MACROD2: variants seen among roughly 807,000 people sequenced by gnomAD.
MACROD2 encodes mono-ADP ribosylhydrolase 2.
MACROD2 carries 36 observed loss-of-function variants against 70.4 expected under a neutral mutation model. The ratio of observed to expected loss-of-function variants is 0.51; its 90% CI spans 0.39 to 0.68. The LOEUF (loss-of-function observed/expected upper bound fraction) is 0.68, where lower values mean the gene tolerates loss of function less well. Among genes scored for constraint, MACROD2 ranks in the 30% least tolerant of loss-of-function variants. The probability of loss-of-function intolerance (pLI) is 0.00; values close to 1 mark genes in which losing one functional copy is unlikely to be tolerated. For synonymous variants in MACROD2, 172 were observed against 178.8 expected (o/e 0.96, Z 0.30); for missense variants, 496 against 538.4 (o/e 0.92, Z 0.78).
At chr20:14,078,452 GC>G (rs995015880) in intron 2 of MACROD2, among the ~76,000 whole-genome samples, 1 of 151,770 alleles carries the variant, frequency 6.6e-6, no homozygotes, top group African/African-American at 2.4e-5. Flanking sequence ...TATCCCCCAG[GC>G]TGGAGTACAA....
chr20:15,141,541 C>G (rs766468836), intron 5 of MACROD2, among the ~76,000 whole-genome samples: 30 of 152,172 alleles, frequency 2.0e-4, no homozygotes, highest in Non-Finnish European at 3.7e-4. Flanking sequence ...AAGGGACTAC[C>G]TGCCTCTCTC....
At chr20:15,607,560 G>T (rs1385198019) in intron 8 of MACROD2, among the ~76,000 whole-genome samples, 1 of 152,120 alleles carries the variant, frequency 6.6e-6, no homozygotes, top group South Asian at 2.1e-4. Context: ...TTGAGACGAA[G>T]TCTCCTTCTG....
chr20:14,661,161 C>G (rs1036302248), intron 4 of MACROD2, among the ~76,000 whole-genome samples: 29 of 151,582 alleles, frequency 1.9e-4, no homozygotes. Flanking sequence ...AATTTGCACT[C>G]CAGCCACCAG....
intron 8 of MACROD2, among the ~76,000 whole-genome samples, chr20:15,739,334 A>AT (rs2051070256): frequency 6.6e-6 from 1 of 152,184 alleles, no homozygotes; most frequent in African/African-American, 2.4e-5. Context: ...CACATGAGAG[A>AT]TAGGGGTTCA....
intron 3 of MACROD2, among the ~76,000 whole-genome samples, chr20:14,435,312 C>G (rs2084044199): frequency 1.3e-5 from 2 of 152,094 alleles, no homozygotes; most frequent in South Asian, 4.1e-4. Context: ...TAGAACCCAC[C>G]CACATAATCC....
At chr20:15,250,374 C>T (rs1410108175) in intron 6 of MACROD2, among the ~76,000 whole-genome samples, 1 of 152,162 alleles carries the variant, frequency 6.6e-6, no homozygotes, top group Non-Finnish European at 1.5e-5. Flanking sequence ...CCACATTGTT[C>T]CACGATTTCC....
intron 4 of MACROD2, among the ~76,000 whole-genome samples, chr20:14,664,532 A>C (rs1384518249): frequency 6.6e-6 from 1 of 152,120 alleles, no homozygotes; most frequent in Non-Finnish European, 1.5e-5. Flanking sequence ...TCAACACGTT[A>C]GTTTTGGTGA....
intron 5 of MACROD2, among the ~76,000 whole-genome samples, chr20:14,800,048 G>A (rs2072555616): frequency 6.6e-6 from 1 of 150,656 alleles, no homozygotes. Context: ...GTTCAGACAA[G>A]TGTTCCATCA....
chr20:15,476,573 C>CG (rs2047024858), intron 7 of MACROD2, among the ~76,000 whole-genome samples: 1 of 76,612 alleles, frequency 1.3e-5, no homozygotes, highest in African/African-American at 1.1e-4. Flanking sequence ...TTGTTTTGCC[C>CG]CCCCCCGGTA....
At chr20:15,458,619 G>GTT (rs981912495) in intron 7 of MACROD2, among the ~76,000 whole-genome samples, 3 of 132,588 alleles carry the variant, frequency 2.3e-5, no homozygotes, top group African/African-American at 8.7e-5. Flanking sequence ...CTGTTTTTTT[G>GTT]TTTTTTTGTT....
chr20:14,933,791 T>C (rs2074316991), intron 5 of MACROD2: 2 of 152,086 alleles, frequency 1.3e-5, no homozygotes, highest in Non-Finnish European at 2.9e-5. Flanking sequence ...TATAGAAAAA[T>C]AACATAAGGC....
chr20:15,638,087 C>G (rs922681646), intron 8 of MACROD2, among the ~76,000 whole-genome samples: 15 of 152,032 alleles, frequency 9.9e-5, no homozygotes, highest in African/African-American at 2.9e-4. Context: ...TAACTGAGCT[C>G]CCTTGGAATG....
At chr20:14,717,594 G>A (rs1165025637) in intron 5 of MACROD2, among the ~76,000 whole-genome samples, 2 of 147,988 alleles carry the variant, frequency 1.4e-5, no homozygotes, top group Non-Finnish European at 3.0e-5. Flanking sequence ...TTCATTAACC[G>A]ACTTGTGACT....
intron 5 of MACROD2, among the ~76,000 whole-genome samples, chr20:15,040,966 A>G (rs2075351770): frequency 6.6e-6 from 1 of 152,186 alleles, no homozygotes; most frequent in Non-Finnish European, 1.5e-5. Context: ...AAGCAGATAA[A>G]ATCTTTTATG....
intron 8 of MACROD2, among the ~76,000 whole-genome samples, chr20:15,510,730 C>A (rs1372665522): frequency 6.6e-6 from 1 of 152,174 alleles, no homozygotes; most frequent in African/African-American, 2.4e-5. Context: ...CAATGGAAAA[C>A]ATACTGGAAA....
chr20:14,689,429 G>A (rs2071037877), intron 5 of MACROD2, among the ~76,000 whole-genome samples: 1 of 152,006 alleles, frequency 6.6e-6, no homozygotes, highest in Admixed American at 6.6e-5. Flanking sequence ...ATATAATAGG[G>A]GTTCAAAAGA....
At chr20:15,118,910 T>A (rs377469965) in intron 5 of MACROD2, among the ~76,000 whole-genome samples, 2 of 152,348 alleles carry the variant, frequency 1.3e-5, no homozygotes, top group South Asian at 2.1e-4. Context: ...TGGCACAGAT[T>A]ATTTTTTATT....
intron 7 of MACROD2, among the ~76,000 whole-genome samples, chr20:15,472,096 T>C (rs1247115641): frequency 6.6e-6 from 1 of 152,206 alleles, no homozygotes; most frequent in African/African-American, 2.4e-5. Context: ...TCTTTCCTGA[T>C]CCCAAACCAT....
At chr20:14,091,117 CT>C (rs1350410443) in intron 3 of MACROD2, among the ~76,000 whole-genome samples, 2 of 151,962 alleles carry the variant, frequency 1.3e-5, no homozygotes, top group Non-Finnish European at 2.9e-5. Context: ...CTGTTGAGTT[CT>C]TTAAGTTCTT....
Sources: gnomAD v4.1 joint callset for allele counts (sites outside exome capture counted in the v4.1 genomes callset) on GRCh38, gnomAD v4.1.1 for gene constraint, MANE v1.5 for transcripts, NCBI Gene and HGNC (gene_info 2026-07-23, HGNC 2026-07-21) for gene names.